RGS12: variants seen among roughly 807,000 people sequenced by gnomAD.
RGS12 encodes regulator of G protein signaling 12.
A neutral mutation model predicts 120.1 loss-of-function variants in RGS12; 66 were observed. The ratio of observed to expected loss-of-function variants is 0.55; its 90% CI spans 0.45 to 0.67. The LOEUF (loss-of-function observed/expected upper bound fraction) is 0.67. Among genes scored for constraint, RGS12 ranks in the 30% least tolerant of loss-of-function variants. RGS12 has a pLI of 0.00. For synonymous variants in RGS12, 827 were observed against 804.7 expected (o/e 1.03, Z -0.47); for missense variants, 1,859 against 1,957.7 (o/e 0.95, Z 0.95).
rs112161478 is a variant in RGS12, at chr4:3,370,375, A to G, written c.1999-16041A>G. The stretch of plus-strand genomic sequence containing the variant: ...TTAATCAGTGGTAGGAAAGCGTGGC[A>G]CCCTGGCTATCCTGTTTTAGCGAGT... On this transcript the variant is annotated intron_variant, in intron 3 of 17. Transcript: ENST00000336727. 6,964 of 1,548,564 alleles carry G rather than the reference A, an allele frequency of 4.5e-3. 275 individuals are homozygous for G. In the African/African-American group the frequency reaches 0.085, roughly 19 times the overall value.
intron 1 of RGS12, among the ~76,000 whole-genome samples, chr4:3,294,004 A>ATCGCTGTG (rs1421549302): frequency 6.6e-6 from 1 of 152,166 alleles, no homozygotes; most frequent in African/African-American, 2.4e-5. Context: ...GAGGGGGCCC[A>ATCGCTGTG]GAGCCGTGGA....
Position 3,316,523 on chromosome 4 carries a change from G to C in RGS12, c.353G>C (p.Gly118Ala), listed in dbSNP as rs555529900. ...GAAGGGGGACTCTATGAAGGAAAAGGCTGGCTGAAGCCCAAGCTGGATTCT... is the reference window on the plus strand; with the variant it reads ...GAAGGGGGACTCTATGAAGGAAAAGCCTGGCTGAAGCCCAAGCTGGATTCT... ...DEEGGLYEGK[G>A]WLKPKLDSKA... The change falls in exon 2 of 18, where the codon GGC (glycine) becomes GCC (alanine). Residue 118 changes from glycine to alanine, a missense_variant. Transcript: ENST00000336727. 3 of 1,614,044 alleles carry C rather than the reference G, an allele frequency of 1.9e-6. No homozygotes were observed. Among genetic ancestry groups the C allele is most frequent in the African/African-American group, 1.3e-5 (1 of 74,930 alleles).
chr4:3,328,636 T>C (rs1215048261), intron 2 of RGS12, among the ~76,000 whole-genome samples: 1 of 152,250 alleles, frequency 6.6e-6, no homozygotes. Flanking sequence ...ACTACGACTA[T>C]ATATACATAC....
Position 3,417,017 on chromosome 4 carries a change from G to T in RGS12, c.2532G>T (p.Ser844=), listed in dbSNP as rs773470752. The part of the protein sequence containing the change: ...AEVEGRALPD[S]QQVPSSPASK... ...TGGAGGGCCGTGCACTCCCGGACTC[G>T]CAGCAGGTCCCCAGCAGCCCGGCTT... The change falls in exon 8 of 18, where the codon TCG becomes TCT. Residue 844 remains serine, a synonymous_variant. Transcript: ENST00000336727. 2.5e-6 allele frequency: 4 copies of T among 1,613,342 alleles called. No homozygotes were observed. The highest frequency in any genetic ancestry group is 2.5e-6 in the Non-Finnish European group (3 of 1,179,810).
intron 3 of RGS12, among the ~76,000 whole-genome samples, chr4:3,368,160 C>T (rs910974981): frequency 6.6e-6 from 1 of 152,186 alleles, no homozygotes; most frequent in African/African-American, 2.4e-5. Flanking sequence ...TCCTCTGCTC[C>T]CGCCTGGAGA....
chr4:3,429,740 G>A lies in RGS12; in HGVS notation c.3566-667G>A, dbSNP rs905970063. ...GGCCCCCACAGTGGCTGGGCAGTGG[G>A]AGGCCCAGGGGCACCCGTCCTGGCC... On this transcript the variant is annotated intron_variant, in intron 16 of 17. Coordinates refer to ENST00000336727, the MANE Select transcript of RGS12 (RefSeq NM_001394154.1). Among the ~76,000 whole-genome samples the A allele has an allele frequency of 5.9e-5, 9 of 152,330 alleles. No homozygotes were observed. In the East Asian group the frequency reaches 1.7e-3, roughly 29 times the overall value.
At chr4:3,391,355 TTTA>T (rs1719480081) in intron 4 of RGS12, among the ~76,000 whole-genome samples, 1 of 152,268 alleles carries the variant, frequency 6.6e-6, no homozygotes, top group Non-Finnish European at 1.5e-5. Context: ...TTGGAGAGTT[TTTA>T]TTACTAGTTT....
At chr4:3,323,302 C>A (rs960111809) in intron 2 of RGS12, among the ~76,000 whole-genome samples, 1 of 152,216 alleles carries the variant, frequency 6.6e-6, no homozygotes, top group East Asian at 1.9e-4. Context: ...TTGTTCATGA[C>A]GACATACCCA....
intron 2 of RGS12, among the ~76,000 whole-genome samples, chr4:3,328,838 A>G (rs764513583): frequency 5.9e-5 from 9 of 152,258 alleles, no homozygotes; most frequent in Middle Eastern, 6.8e-3. Context: ...TGGTTCTTCA[A>G]ACTACATGCG....
At chr4:3,397,843 G>A (rs1720194772) in intron 4 of RGS12, among the ~76,000 whole-genome samples, 1 of 152,208 alleles carries the variant, frequency 6.6e-6, no homozygotes, top group South Asian at 2.1e-4. Flanking sequence ...GAAAAGGCGA[G>A]TCTCAAACCC....
At chr4:3,396,009 CAATGTA>C (rs886092582) in intron 4 of RGS12, among the ~76,000 whole-genome samples, 7 of 152,150 alleles carry the variant, frequency 4.6e-5, no homozygotes, top group African/African-American at 1.7e-4. Flanking sequence ...ACAGCTAATA[CAATGTA>C]AATGGTATGT....
chr4:3,350,260 A>T (rs975458980), intron 3 of RGS12, among the ~76,000 whole-genome samples: 8 of 152,392 alleles, frequency 5.2e-5, no homozygotes, highest in African/African-American at 1.9e-4. Context: ...TAACCTTAAG[A>T]CATCTAGTAG....
At chr4:3,431,527 C>T in intron 17 of RGS12, 1 of 986,192 alleles carries the variant, frequency 1.0e-6, no homozygotes, top group Non-Finnish European at 1.2e-6. Context: ...CGCTCTCTGA[C>T]CGCGGGTGTC....
chr4:3,416,016 C>G lies in RGS12; in HGVS notation c.2322C>G (p.Leu774=), dbSNP rs1366664317. ...YRAREIFSKF[L]CSKATTPVNI... The stretch of plus-strand genomic sequence containing the variant: ...CCCGGGAGATTTTCAGTAAGTTTCT[C>G]TGCAGCAAAGCCACCACCCCGGTCA... Residue 774 remains leucine, a synonymous_variant, in exon 7 of 18, where the codon CTC becomes CTG. Coordinates refer to ENST00000336727, the MANE Select transcript of RGS12 (RefSeq NM_001394154.1). The G allele has an allele frequency of 6.2e-7, 1 of 1,613,400 alleles. No homozygotes were observed. The highest frequency in any genetic ancestry group is 1.3e-5 in the African/African-American group (1 of 74,898).
At chr4:3,303,102 C>T (rs549481003) in intron 1 of RGS12, among the ~76,000 whole-genome samples, 10 of 152,132 alleles carry the variant, frequency 6.6e-5, no homozygotes, top group East Asian at 3.9e-4. Context: ...TGGGTCTGAC[C>T]GAGGGGGATG....
intron 2 of RGS12, among the ~76,000 whole-genome samples, chr4:3,320,848 C>T (rs768315358): frequency 6.6e-5 from 10 of 152,238 alleles, no homozygotes; most frequent in South Asian, 4.2e-4. Context: ...CGTGACCGTC[C>T]GCAGCGATCA....
intron 1 of RGS12, among the ~76,000 whole-genome samples, chr4:3,298,535 T>C (rs1160465189): frequency 1.3e-5 from 2 of 152,192 alleles, no homozygotes; most frequent in Non-Finnish European, 2.9e-5. Flanking sequence ...TTTCATTTTA[T>C]TTTTTCATAG....
At chr4:3,341,270 G>A (rs185707879) in intron 2 of RGS12, among the ~76,000 whole-genome samples, 17 of 5,694 alleles carry the variant, frequency 3.0e-3, no homozygotes, top group Middle Eastern at 0.042. Flanking sequence ...AGAGATGGGG[G>A]TATGGGGGGA....
intron 2 of RGS12, 70 bp from the exon 3 acceptor site, chr4:3,342,867 C>A: frequency 1.0e-6 from 1 of 990,556 alleles, no homozygotes; most frequent in Non-Finnish European, 1.6e-6. Flanking sequence ...TTCTGCTATG[C>A]CATGCATTGG....
Sources: allele counts gnomAD v4.1 joint callset (sites outside exome capture counted in the v4.1 genomes callset), GRCh38; gene constraint gnomAD v4.1.1; transcripts MANE v1.5; gene names NCBI Gene and HGNC (gene_info 2026-07-23, HGNC 2026-07-21).